The following INTS2 variants were observed in gnomAD, a reference collection of about 807,000 sequenced individuals.
INTS2 encodes KIAA1287.
INTS2 carries 57 observed loss-of-function variants against 139.6 expected under a neutral mutation model. The ratio of observed to expected loss-of-function variants is 0.41; its 90% confidence interval spans 0.33 to 0.51. INTS2 has a LOEUF of 0.51. Among genes scored for constraint, INTS2 ranks in the 20% least tolerant of loss-of-function variants. The pLI, the probability that INTS2 is intolerant of heterozygous loss-of-function variation, is 0.28. For missense variants in INTS2, 1,196 were observed against 1,436.7 expected (o/e 0.83, Z 2.71); for synonymous variants, 473 against 493.4 (o/e 0.96, Z 0.55).
In INTS2 at chr17:61,921,727, G is replaced by A. The variant is rs372474414; in HGVS notation, c.533C>T (p.Ala178Val). ...EAADVLCILQAELPSLLPIVD... is the reference protein window; with the variant it reads ...EAADVLCILQVELPSLLPIVD... ...CATCTTAGCACTCAGTACAGTACCTGCTTGTAAAATACAAAGTACATCTGC... is the reference window on the plus strand; with the variant it reads ...CATCTTAGCACTCAGTACAGTACCTACTTGTAAAATACAAAGTACATCTGC... Residue 178 changes from alanine to valine, a missense_variant and splice_region_variant, in exon 4 of 25, where the codon GCA (alanine) becomes GTA (valine). Around this residue, in one of 3 missense-constraint regions of INTS2, gnomAD observed 1,129 missense variants for 1,341.9 expected, o/e 0.84. Coordinates refer to ENST00000251334, the MANE Select transcript of INTS2 (RefSeq NM_001351695.2). 9.7e-6 allele frequency: 15 copies of A among 1,547,244 alleles called. No homozygotes were observed. Among genetic ancestry groups the A allele is most frequent in the Non-Finnish European group, 1.3e-5 (15 of 1,129,364 alleles).
chr17:61,920,733 G>A (rs1027876873), intron 4 of INTS2, among the ~76,000 whole-genome samples: 1 of 151,624 alleles, frequency 6.6e-6, no homozygotes, highest in Admixed American at 6.6e-5. Context: ...AACCCCGGAG[G>A]CGGAGGTTGC....
intron 7 of INTS2, 59 bp downstream of exon 7, chr17:61,911,461 T>A: frequency 7.0e-7 from 1 of 1,429,324 alleles, no homozygotes; most frequent in Non-Finnish European, 9.4e-7. Context: ...TGTTTCTTTC[T>A]CTTTTAGCAG....
intron 9 of INTS2, among the ~76,000 whole-genome samples, chr17:61,903,174 G>GAAAAAAAAAAA (rs551514700): frequency 1.7e-5 from 1 of 59,960 alleles, no homozygotes; most frequent in East Asian, 4.0e-4. Context: ...CTCAAAAAAG[G>GAAAAAAAAAAA]AAAAAAAAAA....
rs573838527 is a variant in INTS2 at position 61,879,216 on chromosome 17, C to A, written c.2255-1128G>T. 7.3e-5 allele frequency among the ~76,000 whole-genome samples: 11 copies of A among 151,508 alleles called. No homozygotes were observed. The South Asian group carries it at 2.1e-3, about 29-fold the overall frequency. ...ATAACAGGCGTGAGTCACTGTCCAG[C>A]CCAGACTGATTTTAAAAACAGGACT... On this transcript the variant is annotated intron_variant, in intron 17 of 24. Coordinates refer to ENST00000251334, the MANE Select transcript of INTS2 (RefSeq NM_001351695.2).
At chr17:61,898,942 C>T (rs1309261349) in intron 9 of INTS2, among the ~76,000 whole-genome samples, 1 of 152,074 alleles carries the variant, frequency 6.6e-6, no homozygotes, top group Non-Finnish European at 1.5e-5. Flanking sequence ...TACAAGCTGA[C>T]GTTGACTTGT....
At chr17:61,926,980 C>T (rs940547469) in intron 1 of INTS2, 10 of 365,518 alleles carry the variant, frequency 2.7e-5, no homozygotes, top group African/African-American at 1.7e-4. Context: ...TAGTTAGAGG[C>T]ACAATCCAAG....
intron 4 of INTS2, 34 bp from the exon 5 acceptor site, chr17:61,919,547 T>C (rs201958218): frequency 2.3e-5 from 26 of 1,127,906 alleles, no homozygotes; most frequent in Non-Finnish European, 3.3e-5. Flanking sequence ...TAGTCTTTGT[T>C]AACAGGTGCA....
chr17:61,902,877 A>C (rs1448947521), intron 9 of INTS2, among the ~76,000 whole-genome samples: 1 of 151,250 alleles, frequency 6.6e-6, no homozygotes, highest in African/African-American at 2.4e-5. Flanking sequence ...AAAAAAAAAA[A>C]AAACAGAGGC....
At position 61,870,100 on chromosome 17, in the gene INTS2, C is replaced by T. The variant is rs2079077355; in HGVS notation, c.2779-112G>A. ...GATAAAATAACTAATTTCTTAAACA[C>T]ACATACACAAAGAGGTACTTCTAAG... On this transcript the variant is annotated intron_variant, in intron 20 of 24. Coordinates refer to ENST00000251334, the MANE Select transcript of INTS2 (RefSeq NM_001351695.2). The surrounding 1 kb of genome is among the most constrained non-coding windows in gnomAD (Gnocchi z 4.4). 1 of 1,016,448 alleles carries T rather than the reference C, an allele frequency of 9.8e-7. No individual in the cohort carries two copies. Among genetic ancestry groups the T allele is most frequent in the Non-Finnish European group, 1.4e-6 (1 of 714,156 alleles). The allele number at this position is 1,016,448 out of a possible 1,614,324, so 63.0% of individuals were successfully genotyped here.
chr17:61,880,080 G>A (rs1030480615), intron 17 of INTS2, among the ~76,000 whole-genome samples: 1 of 152,052 alleles, frequency 6.6e-6, no homozygotes, highest in African/African-American at 2.4e-5. Context: ...GTCTCGCTTT[G>A]TCACCCAGGC....
In INTS2 at chr17:61,884,980, T is replaced by A; in HGVS notation, c.2010A>T (p.Ser670=). The A allele has an allele frequency of 6.2e-7, 1 of 1,602,420 alleles. No homozygotes were observed. The highest frequency in any genetic ancestry group is 8.5e-7 in the Non-Finnish European group (1 of 1,173,506). Residue 670 remains serine (S), a synonymous_variant, in exon 16 of 25, where the codon TCA becomes TCT. Transcript: ENST00000251334. The part of the protein sequence containing the change: ...TLAAMQRKPK[S]YSSSLMDQIP... ...TCTGATCCATTAAAGAAGAAGAATATGATTTGGGCTTTCTTTGCATGGCAG... is the reference window on the plus strand; with the variant it reads ...TCTGATCCATTAAAGAAGAAGAATAAGATTTGGGCTTTCTTTGCATGGCAG...
chr17:61,892,633 C>CA (rs1377198709), intron 13 of INTS2, among the ~76,000 whole-genome samples: 2 of 151,356 alleles, frequency 1.3e-5, no homozygotes, highest in Middle Eastern at 3.4e-3. Context: ...CCTGTCTCTA[C>CA]AAAAAAACAC....
Position 61,914,106 on chromosome 17 carries a change from A to G in INTS2, c.650-2036T>C, listed in dbSNP as rs569789253. 1.8e-4 allele frequency among the ~76,000 whole-genome samples: 27 copies of G among 152,018 alleles called. No individual in the cohort carries two copies. The East Asian group carries it at 4.4e-3, about 25-fold the overall frequency. Reference sequence around the variant, plus strand: ...GACAGAGACTGCCACTAGATTAAAAAAAATGAAGACCGAACTATACCTGTC... The same window carrying G: ...GACAGAGACTGCCACTAGATTAAAAGAAATGAAGACCGAACTATACCTGTC... On this transcript the variant is annotated intron_variant, in intron 5 of 24. Coordinates refer to ENST00000251334, the MANE Select transcript of INTS2 (RefSeq NM_001351695.2).
chr17:61,894,670 G>C (rs1365460141), intron 12 of INTS2, among the ~76,000 whole-genome samples: 2 of 152,046 alleles, frequency 1.3e-5, no homozygotes, highest in Non-Finnish European at 2.9e-5. Context: ...TGGTCAACGT[G>C]GTAAAACCCC....
Position 61,870,814 on chromosome 17 carries a change from C to G in INTS2, c.2779-826G>C, listed in dbSNP as rs998804842. Among the ~76,000 whole-genome samples the G allele has an allele frequency of 7.9e-5, 12 of 152,100 alleles. No homozygotes were observed. The highest frequency in any genetic ancestry group is 2.7e-4 in the African/African-American group (11 of 41,498). ...ATTGTTATTGTTATTGTTTTGTTTT[C>G]TTTTGTTGTTGTTGACTCAGGAGCC... On this transcript the variant is annotated intron_variant, in intron 20 of 24. Coordinates refer to ENST00000251334, the MANE Select transcript of INTS2 (RefSeq NM_001351695.2). This position sits in a 1 kb window ranked among gnomAD's most constrained non-coding sequence, Gnocchi z 4.4.
chr17:61,894,062 G>C, intron 12 of INTS2, 163 bp from the exon 13 acceptor site: 2 of 442,096 alleles, frequency 4.5e-6, no homozygotes, highest in Non-Finnish European at 7.8e-6. Flanking sequence ...TGAATGCTGA[G>C]GAAATGTACA....
intron 9 of INTS2, among the ~76,000 whole-genome samples, chr17:61,901,577 C>CTTTTTTTTT (rs55751869): frequency 4.0e-5 from 2 of 49,454 alleles, no homozygotes. Flanking sequence ...AGAATGATTT[C>CTTTTTTTTT]TTTTTTTTTT....
Position 61,872,817 on chromosome 17 carries a change from T to TA in INTS2, c.2583-358dup, listed in dbSNP as rs1383383548. Among the ~76,000 whole-genome samples, 1 of 151,972 alleles carries TA rather than the reference T, an allele frequency of 6.6e-6. No individual in the cohort carries two copies. Among genetic ancestry groups the TA allele is most frequent in the Non-Finnish European group, 1.5e-5 (1 of 67,962 alleles). On this transcript the variant is annotated intron_variant, in intron 19 of 24. Coordinates refer to ENST00000251334, the MANE Select transcript of INTS2 (RefSeq NM_001351695.2). This position sits in a 1 kb window ranked among gnomAD's most constrained non-coding sequence, Gnocchi z 4.8. ...ATAGATAAAGAGCTCTTTAAGTCAA[T>TA]AAAAAATATAGGCTAAAATATAAAG...
At chr17:61,880,398 T>C (rs1459535957) in intron 17 of INTS2, among the ~76,000 whole-genome samples, 1 of 151,390 alleles carries the variant, frequency 6.6e-6, no homozygotes, top group Admixed American at 6.6e-5. Context: ...CCACACCACC[T>C]TTTTAGTGAT....
Sources: allele counts gnomAD v4.1 joint callset (sites outside exome capture counted in the v4.1 genomes callset), GRCh38; gene constraint gnomAD v4.1.1; regional missense constraint gnomAD v4.1.1; non-coding constraint Gnocchi (gnomAD v3.1); transcripts MANE v1.5; gene names NCBI Gene and HGNC (gene_info 2026-07-23, HGNC 2026-07-21).